ASTN2: variants seen among roughly 807,000 people sequenced by gnomAD.
ASTN2 encodes astrotactin-2.
Under a neutral mutation model 139.8 loss-of-function variants are expected in ASTN2, and 54 were observed. That is an observed-to-expected ratio of 0.39 (90% confidence interval 0.31 to 0.48). The LOEUF (loss-of-function observed/expected upper bound fraction) is 0.48. Among genes scored for constraint, ASTN2 ranks in the 20% least tolerant of loss-of-function variants. ASTN2 has a pLI of 0.95. For synonymous variants in ASTN2, 756 were observed against 719.5 expected (o/e 1.05, Z -0.81); for missense variants, 1,565 against 1,725.1 (o/e 0.91, Z 1.64).
chr9:117,393,821 G>T (rs950829107), intron 1 of ASTN2, among the ~76,000 whole-genome samples: 8 of 151,916 alleles, frequency 5.3e-5, no homozygotes, highest in East Asian at 3.9e-4. Context: ...AGACTCTAGG[G>T]TAGAATGGGC....
intron 3 of ASTN2, among the ~76,000 whole-genome samples, chr9:117,168,239 A>G (rs1303514807): frequency 6.6e-6 from 1 of 152,166 alleles, no homozygotes; most frequent in East Asian, 1.9e-4. Context: ...AACTACGAAG[A>G]TATGGGAAGA....
At chr9:116,995,863 T>C (rs1036003851) in intron 7 of ASTN2, among the ~76,000 whole-genome samples, 32 of 152,186 alleles carry the variant, frequency 2.1e-4, no homozygotes, top group Non-Finnish European at 4.6e-4. Flanking sequence ...TTTTTAGATA[T>C]AGAGTCTCAC....
At chr9:117,203,405 G>C (rs1831797895) in intron 3 of ASTN2, among the ~76,000 whole-genome samples, 1 of 151,168 alleles carries the variant, frequency 6.6e-6, no homozygotes, top group South Asian at 2.2e-4. Context: ...TCATGTTGAG[G>C]AGAAGAGGCG....
At chr9:116,610,277 A>T (rs956538889) in intron 19 of ASTN2, among the ~76,000 whole-genome samples, 7 of 152,190 alleles carry the variant, frequency 4.6e-5, no homozygotes, top group African/African-American at 1.7e-4. Flanking sequence ...ATCTTCCAGA[A>T]ACACACTTTT....
In ASTN2 at chr9:116,697,978, A is replaced by G. The variant is rs775738712; in HGVS notation, c.2806+27793T>C. 9.3e-6 allele frequency: 15 copies of G among 1,614,196 alleles called. No homozygotes were observed. In the South Asian group the frequency reaches 9.9e-5, roughly 11 times the overall value. On this transcript the variant is annotated intron_variant, in intron 16 of 22. Coordinates refer to ENST00000313400, the MANE Select transcript of ASTN2 (RefSeq NM_001365068.1). ...ACCAGCTTGACCCAGCTGACAGACA[A>G]TCTGACAGTGCTAAAGATCATTGAT...
intron 2 of ASTN2, among the ~76,000 whole-genome samples, chr9:117,259,700 A>T (rs1833776320): frequency 6.6e-6 from 1 of 152,198 alleles, no homozygotes; most frequent in African/African-American, 2.4e-5. Context: ...TTCCAGATCA[A>T]ACCAATGTAC....
intron 3 of ASTN2, among the ~76,000 whole-genome samples, chr9:117,142,702 A>G (rs1423848056): frequency 1.3e-5 from 2 of 152,230 alleles, no homozygotes; most frequent in African/African-American, 4.8e-5. Context: ...AAAGGAAAAA[A>G]ATAACAGAAA....
chr9:117,227,860 G>A (rs1388566407), intron 2 of ASTN2, among the ~76,000 whole-genome samples: 2 of 152,170 alleles, frequency 1.3e-5, no homozygotes, highest in African/African-American at 2.4e-5. Context: ...GGGTGAAAGG[G>A]ATGTCAGATG....
intron 3 of ASTN2, among the ~76,000 whole-genome samples, chr9:117,209,720 C>A (rs1832057730): frequency 6.6e-6 from 1 of 152,092 alleles, no homozygotes; most frequent in Non-Finnish European, 1.5e-5. Context: ...TAGACAATTA[C>A]ATAATATTTC....
chr9:117,259,926 G>A (rs568218245), intron 2 of ASTN2, among the ~76,000 whole-genome samples: 5 of 152,330 alleles, frequency 3.3e-5, no homozygotes, highest in East Asian at 1.9e-4. Context: ...GACTGTGAAA[G>A]TGACTTTAAC....
At chr9:116,594,027 C>T (rs1387111621) in intron 19 of ASTN2, among the ~76,000 whole-genome samples, 2 of 152,196 alleles carry the variant, frequency 1.3e-5, no homozygotes, top group Non-Finnish European at 2.9e-5. Flanking sequence ...CTTTGCACTT[C>T]CTGCCCCAAG....
intron 2 of ASTN2, among the ~76,000 whole-genome samples, chr9:117,247,053 C>A (rs940573055): frequency 1.3e-5 from 2 of 152,110 alleles, no homozygotes; most frequent in East Asian, 1.9e-4. Context: ...TGGAGGCAGG[C>A]AAGGAGCCAA....
intron 17 of ASTN2, among the ~76,000 whole-genome samples, chr9:116,639,103 C>G (rs1459104116): frequency 6.6e-6 from 1 of 152,126 alleles, no homozygotes; most frequent in African/African-American, 2.4e-5. Flanking sequence ...ATTCTCTCTA[C>G]CTTTGTGTAT....
intron 10 of ASTN2, among the ~76,000 whole-genome samples, chr9:116,947,839 G>T (rs181995981): frequency 1.3e-5 from 2 of 152,290 alleles, no homozygotes; most frequent in Admixed American, 6.5e-5. Flanking sequence ...GGATCCTCAG[G>T]TTCCATTCAA....
intron 17 of ASTN2, among the ~76,000 whole-genome samples, chr9:116,647,758 G>A (rs1189469587): frequency 6.6e-6 from 1 of 152,158 alleles, no homozygotes; most frequent in African/African-American, 2.4e-5. Context: ...CAGAAGGCCA[G>A]TTAAACAAAA....
chr9:116,790,975 G>GA lies in ASTN2; in HGVS notation c.2396+14656dup, dbSNP rs758547163. ...GAAAGAAAAGAAAGAAGGAAAGAAA[G>GA]AAAGAAAGAAAGAAAGAAAGAAAGA... On this transcript the variant is annotated intron_variant, in intron 13 of 22. Transcript: ENST00000313400. 5.7e-3 allele frequency among the ~76,000 whole-genome samples: 172 copies of GA among 30,044 alleles called. 1 individual carries two copies. Among genetic ancestry groups the GA allele is most frequent in the Middle Eastern group, 0.017 (1 of 60 alleles). The allele number at this position is 30,044 out of a possible 152,430, so 19.7% of individuals were successfully genotyped here.
intron 10 of ASTN2, among the ~76,000 whole-genome samples, chr9:116,965,252 T>A (rs1588445666): frequency 6.6e-6 from 1 of 152,192 alleles, no homozygotes; most frequent in African/African-American, 2.4e-5. Context: ...ACCTGTTAGA[T>A]GAATAAACTT....
chr9:117,412,194 G>T (rs996646032), intron 1 of ASTN2, among the ~76,000 whole-genome samples: 1 of 152,104 alleles, frequency 6.6e-6, no homozygotes, highest in South Asian at 2.1e-4. Context: ...CCAAATCCCC[G>T]TTGAGAGCGC....
chr9:117,158,506 T>G (rs535841117), intron 3 of ASTN2, among the ~76,000 whole-genome samples: 4 of 152,202 alleles, frequency 2.6e-5, no homozygotes, highest in African/African-American at 9.6e-5. Context: ...CATTGATATG[T>G]TCCTTACTAT....
Sources: allele counts gnomAD v4.1 joint callset (sites outside exome capture counted in the v4.1 genomes callset), GRCh38; gene constraint gnomAD v4.1.1; transcripts MANE v1.5; gene names NCBI Gene and HGNC (gene_info 2026-07-23, HGNC 2026-07-21).